Variants in PRR16 observed in about 807,000 individuals in gnomAD.
PRR16 encodes the protein protein Largen.
PRR16 carries 6 observed loss-of-function variants against 18.2 expected under a neutral mutation model. The observed-to-expected ratio is 0.33, with a 90% CI of 0.18 to 0.65. The LOEUF (loss-of-function observed/expected upper bound fraction) is 0.65. PRR16 is among the 30% of genes least tolerant of loss of function. The pLI, the probability that PRR16 is intolerant of heterozygous loss-of-function variation, is 0.74. For missense variants in PRR16, 412 were observed against 376.6 expected, an observed-to-expected ratio of 1.09 and a Z score of -0.78; for synonymous variants, 151 against 147.8, an observed-to-expected ratio of 1.02 and a Z score of -0.16.
chr5:120,713,275 T>G, the PRR16 span, among the ~76,000 whole-genome samples: 1 of 152,124 alleles, frequency 6.6e-6, no homozygotes, highest in Non-Finnish European at 1.5e-5. Flanking sequence ...TAAAATCTAT[T>G]TTCAGACTCT....
intron 1 of PRR16, among the ~76,000 whole-genome samples, chr5:120,563,806 G>T (rs1011748295): frequency 2.6e-5 from 4 of 152,070 alleles, no homozygotes; most frequent in African/African-American, 9.7e-5. Flanking sequence ...TTTTCCTTCT[G>T]CTTTCTCAAA....
At chr5:120,738,251 G>T in the PRR16 span, among the ~76,000 whole-genome samples, 1 of 152,046 alleles carries the variant, frequency 6.6e-6, no homozygotes, top group Non-Finnish European at 1.5e-5. Flanking sequence ...GGGCTCGTGG[G>T]TATAGCTGTA....
intron 1 of PRR16, among the ~76,000 whole-genome samples, chr5:120,663,656 C>T (rs558931821): frequency 6.6e-6 from 1 of 152,126 alleles, no homozygotes; most frequent in Non-Finnish European, 1.5e-5. Context: ...AGCTTAGAAA[C>T]AACTTTTCTT....
intron 1 of PRR16, among the ~76,000 whole-genome samples, chr5:120,564,745 G>C (rs1399221656): frequency 6.6e-6 from 1 of 152,134 alleles, no homozygotes; most frequent in Non-Finnish European, 1.5e-5. Context: ...CCAGCCCTCT[G>C]GGAGGCTGAG....
chr5:120,557,219 G>A (rs917435397), intron 1 of PRR16, among the ~76,000 whole-genome samples: 2 of 151,780 alleles, frequency 1.3e-5, no homozygotes, highest in African/African-American at 4.8e-5. Context: ...CTTTTCTGAG[G>A]TATTGATATA....
intron 1 of PRR16, among the ~76,000 whole-genome samples, chr5:120,666,577 A>G (rs1466506218): frequency 6.6e-6 from 1 of 152,082 alleles, no homozygotes; most frequent in Non-Finnish European, 1.5e-5. Context: ...CCCATTCAGT[A>G]TGATATTGGC....
the PRR16 span, among the ~76,000 whole-genome samples, chr5:120,738,392 GA>G: frequency 2.6e-5 from 4 of 151,214 alleles, no homozygotes; most frequent in Non-Finnish European, 3.0e-5. Context: ...TATTCTTAAT[GA>G]AAAAAAAATT....
At chr5:120,762,605 C>A in the PRR16 span, among the ~76,000 whole-genome samples, 4 of 152,136 alleles carry the variant, frequency 2.6e-5, no homozygotes, top group Admixed American at 6.6e-5. Context: ...AATGTCTATA[C>A]AGGTTCTTTG....
chr5:120,728,853 G>A, the PRR16 span, among the ~76,000 whole-genome samples: 4 of 152,246 alleles, frequency 2.6e-5, no homozygotes, highest in Middle Eastern at 0.01. Flanking sequence ...TATTATTTGA[G>A]AATCTTACTG....
chr5:120,464,456 T>A lies in PRR16; in HGVS notation c.-31T>A. On this transcript the variant is annotated 5_prime_UTR_variant, in exon 1 of 2. Transcript: ENST00000407149. ...ACGCAGCAGCCTCCGCTCGCCCGCC[T>A]GTCCTGACCTGCCTCGCTTGCCCCC... 6 of 1,556,352 alleles carry A rather than the reference T, an allele frequency of 3.9e-6. No individual in the cohort carries two copies. The highest frequency in any genetic ancestry group is 5.2e-6 in the Non-Finnish European group (6 of 1,157,600).
At chr5:120,698,440 A>G in the PRR16 span, among the ~76,000 whole-genome samples, 2 of 151,576 alleles carry the variant, frequency 1.3e-5, no homozygotes, top group Non-Finnish European at 2.9e-5. Context: ...TTATTTATTT[A>G]CTTCAAGAGT....
intron 1 of PRR16, among the ~76,000 whole-genome samples, chr5:120,595,052 G>A (rs1753756458): frequency 6.6e-6 from 1 of 151,798 alleles, no homozygotes; most frequent in Non-Finnish European, 1.5e-5. Context: ...AACTGGTATA[G>A]GCATCATGAC....
At chr5:120,659,054 T>C (rs1422524930) in intron 1 of PRR16, among the ~76,000 whole-genome samples, 6 of 151,864 alleles carry the variant, frequency 4.0e-5, no homozygotes, top group Non-Finnish European at 8.8e-5. Flanking sequence ...AGGTCTCATA[T>C]GTTATATTAG....
At chr5:120,698,724 G>A in the PRR16 span, among the ~76,000 whole-genome samples, 1 of 152,148 alleles carries the variant, frequency 6.6e-6, no homozygotes, top group African/African-American at 2.4e-5. Context: ...TGAATTCTGA[G>A]ATGCGAAAGT....
At chr5:120,790,702 A>C in the PRR16 span, 1 of 152,166 alleles carries the variant, frequency 6.6e-6, no homozygotes, top group South Asian at 2.1e-4. Flanking sequence ...TAATATTTGC[A>C]CTGTCACTTC....
At chr5:120,585,970 T>C (rs1040120056) in intron 1 of PRR16, among the ~76,000 whole-genome samples, 1 of 151,972 alleles carries the variant, frequency 6.6e-6, no homozygotes, top group African/African-American at 2.4e-5. Context: ...GGTCAAGTGA[T>C]CGAGACCATC....
the PRR16 span, among the ~76,000 whole-genome samples, chr5:120,773,157 T>G: frequency 6.6e-6 from 1 of 152,284 alleles, no homozygotes; most frequent in African/African-American, 2.4e-5. Context: ...TTAAGACTCT[T>G]ACCCAGTGTC....
chr5:120,632,742 C>T lies in PRR16; in HGVS notation c.160-53212C>T, dbSNP rs1755099458. On this transcript the variant is annotated intron_variant, in intron 1 of 1. Transcript: ENST00000407149. ...AGAAGTTTGGGACTGTGTTAAAATT[C>T]CAAACCTAAGAATAATCAGTGTTCC... Among the ~76,000 whole-genome samples the T allele has an allele frequency of 2.6e-5, 4 of 152,074 alleles. 1 individual carries two copies. The South Asian group carries it at 6.2e-4, about 24-fold the overall frequency.
At chr5:120,471,535 T>C (rs1580611879) in intron 1 of PRR16, among the ~76,000 whole-genome samples, 1 of 152,128 alleles carries the variant, frequency 6.6e-6, no homozygotes, top group Non-Finnish European at 1.5e-5. Context: ...AACAACATTA[T>C]TGAACTGGCT....
Sources: gnomAD v4.1 joint callset for allele counts (sites outside exome capture counted in the v4.1 genomes callset) on GRCh38, gnomAD v4.1.1 for gene constraint, MANE v1.5 for transcripts, NCBI Gene and HGNC (gene_info 2026-07-23, HGNC 2026-07-21) for gene names.